Variants in STT3B observed in about 807,000 individuals in gnomAD.
The protein encoded by STT3B is STT3 oligosaccharyltransferase complex catalytic subunit B, also known as dolichyl-diphosphooligosaccharide--protein glycosyltransferase subunit STT3B.
A neutral mutation model predicts 96.8 loss-of-function variants in STT3B; 29 were observed. The observed-to-expected ratio is 0.30, with a 90% confidence interval of 0.22 to 0.41. STT3B has a LOEUF of 0.41. Among genes scored for constraint, STT3B ranks in the 10% least tolerant of loss-of-function variants. STT3B has a pLI of 1.00. For missense variants in STT3B, 640 were observed against 1,022.3 expected (o/e 0.63, Z 5.10); for synonymous variants, 367 against 360.0 (o/e 1.02, Z -0.22).
At chr3:31,559,146 GGTGTGT>G (rs55707310) in intron 1 of STT3B, among the ~76,000 whole-genome samples, 13,249 of 116,354 alleles carry the variant, frequency 0.11, 788 homozygotes, top group South Asian at 0.18. Flanking sequence ...TGATTCTTGG[GGTGTGT>G]GTGTGTGTGT....
intron 1 of STT3B, 56 bp downstream of exon 1, chr3:31,533,368 T>C (rs1475715069): frequency 3.6e-6 from 5 of 1,391,644 alleles, no homozygotes; most frequent in Middle Eastern, 2.6e-4. Context: ...CGGGACCCGC[T>C]CCTCCGCCCG....
At chr3:31,565,501 A>G (rs1697983816) in intron 1 of STT3B, among the ~76,000 whole-genome samples, 1 of 152,216 alleles carries the variant, frequency 6.6e-6, no homozygotes. Context: ...TAAACTTCGG[A>G]GAAGTAAAGA....
chr3:31,576,356 A>G, intron 1 of STT3B, 40 bp from the exon 2 acceptor site: 1 of 1,186,492 alleles, frequency 8.4e-7, no homozygotes, highest in Non-Finnish European at 1.2e-6. Context: ...TATTTCTATT[A>G]AGCAGTTTTA....
chr3:31,559,146 G>GGGGGTGTGTGT (rs949401027), intron 1 of STT3B, among the ~76,000 whole-genome samples: 1 of 116,532 alleles, frequency 8.6e-6, no homozygotes, highest in Non-Finnish European at 1.8e-5. Flanking sequence ...TGATTCTTGG[G>GGGGGTGTGTGT]GTGTGTGTGT....
intron 2 of STT3B, among the ~76,000 whole-genome samples, chr3:31,578,653 G>A (rs566954177): frequency 7.9e-5 from 12 of 151,736 alleles, no homozygotes; most frequent in African/African-American, 2.9e-4. Context: ...TTGAGAATGT[G>A]GATGAATTAT....
intron 5 of STT3B, among the ~76,000 whole-genome samples, chr3:31,607,721 G>A (rs753379453): frequency 9.4e-5 from 14 of 148,838 alleles, no homozygotes; most frequent in South Asian, 2.2e-4. Flanking sequence ...CAAATAAAAC[G>A]TTGATTTCCT....
At chr3:31,550,684 C>A (rs745980194) in intron 1 of STT3B, among the ~76,000 whole-genome samples, 1 of 152,116 alleles carries the variant, frequency 6.6e-6, no homozygotes, top group Admixed American at 6.5e-5. Flanking sequence ...TCATGAGTTT[C>A]CATATTTTAA....
intron 1 of STT3B, among the ~76,000 whole-genome samples, chr3:31,567,731 G>C (rs2125447406): frequency 6.6e-6 from 1 of 152,178 alleles, no homozygotes; most frequent in South Asian, 2.1e-4. Flanking sequence ...GTACATAATA[G>C]ATTTATCTAT....
intron 11 of STT3B, among the ~76,000 whole-genome samples, chr3:31,624,186 A>G (rs1239516621): frequency 6.6e-6 from 1 of 152,052 alleles, no homozygotes; most frequent in Admixed American, 6.6e-5. Context: ...TTTGACTGTA[A>G]TCACACTGTG....
At chr3:31,574,497 A>G (rs1187959972) in intron 1 of STT3B, among the ~76,000 whole-genome samples, 1 of 152,114 alleles carries the variant, frequency 6.6e-6, no homozygotes, top group Admixed American at 6.6e-5. Flanking sequence ...ATCTTTTACT[A>G]GACAGCCTTT....
At chr3:31,556,020 C>G (rs1697700997) in intron 1 of STT3B, among the ~76,000 whole-genome samples, 1 of 152,062 alleles carries the variant, frequency 6.6e-6, no homozygotes, top group African/African-American at 2.4e-5. Flanking sequence ...TATTTTTGTA[C>G]CCATTGACCA....
chr3:31,570,783 G>A (rs929523804), intron 1 of STT3B, among the ~76,000 whole-genome samples: 15 of 152,112 alleles, frequency 9.9e-5, no homozygotes, highest in African/African-American at 4.8e-5. Flanking sequence ...CAAGGAGCAG[G>A]GATAGGGTCA....
intron 1 of STT3B, among the ~76,000 whole-genome samples, chr3:31,567,421 T>G (rs1698032212): frequency 2.0e-5 from 3 of 152,234 alleles, no homozygotes; most frequent in Non-Finnish European, 4.4e-5. Flanking sequence ...TAAACCAGAT[T>G]TGTGTTGTCT....
intron 1 of STT3B, among the ~76,000 whole-genome samples, chr3:31,561,974 T>A (rs1463441476): frequency 6.6e-6 from 1 of 152,108 alleles, no homozygotes; most frequent in Non-Finnish European, 1.5e-5. Context: ...TGGTGAAGTT[T>A]TGATGGGGTC....
chr3:31,574,725 T>C (rs1324051717), intron 1 of STT3B, among the ~76,000 whole-genome samples: 1 of 152,150 alleles, frequency 6.6e-6, no homozygotes, highest in African/African-American at 2.4e-5. Context: ...TATTACTCCT[T>C]TGCCTTATTA....
At chr3:31,612,526 A>G (rs1311850216) in intron 5 of STT3B, among the ~76,000 whole-genome samples, 2 of 152,216 alleles carry the variant, frequency 1.3e-5, no homozygotes, top group Non-Finnish European at 2.9e-5. Flanking sequence ...TGTTTACCAA[A>G]TAATACAAAT....
At chr3:31,560,104 G>A (rs930118166) in intron 1 of STT3B, among the ~76,000 whole-genome samples, 1 of 152,022 alleles carries the variant, frequency 6.6e-6, no homozygotes, top group African/African-American at 2.4e-5. Context: ...CTTGTAGGCA[G>A]CATATAGTTG....
At chr3:31,599,142 T>A (rs979593657) in intron 4 of STT3B, among the ~76,000 whole-genome samples, 1 of 152,176 alleles carries the variant, frequency 6.6e-6, no homozygotes, top group African/African-American at 2.4e-5. Context: ...TTTCTTAAGA[T>A]TGGGGTTCAG....
intron 1 of STT3B, among the ~76,000 whole-genome samples, chr3:31,549,063 C>G (rs1460141198): frequency 3.3e-5 from 5 of 151,706 alleles, no homozygotes; most frequent in Admixed American, 6.6e-5. Context: ...AATTAATGTT[C>G]CATGCAATTC....
Sources: gnomAD v4.1 joint callset for allele counts (sites outside exome capture counted in the v4.1 genomes callset) on GRCh38, gnomAD v4.1.1 for gene constraint, MANE v1.5 for transcripts, NCBI Gene and HGNC (gene_info 2026-07-23, HGNC 2026-07-21) for gene names.